Variants in ARHGAP15 observed in about 807,000 individuals in gnomAD.
The protein encoded by ARHGAP15 is rho GTPase-activating protein 15.
Under a neutral mutation model 63.7 loss-of-function variants are expected in ARHGAP15, and 51 were observed. That is an observed-to-expected ratio of 0.80 (90% CI 0.64 to 1.01). The LOEUF (loss-of-function observed/expected upper bound fraction) is 1.01, where lower values mean the gene tolerates loss of function less well. ARHGAP15 is among the 50% of genes least tolerant of loss of function. ARHGAP15 has a pLI of 0.00. For synonymous variants in ARHGAP15, 191 were observed against 193.8 expected (o/e 0.99, Z 0.12); for missense variants, 560 against 564.6 (o/e 0.99, Z 0.08).
intron 13 of ARHGAP15, among the ~76,000 whole-genome samples, chr2:143,739,821 G>A (rs933010662): frequency 1.3e-5 from 2 of 152,292 alleles, no homozygotes; most frequent in Non-Finnish European, 1.5e-5. Flanking sequence ...AATTTAAAAT[G>A]CAAACTATGT....
rs1558898057 is a variant in ARHGAP15 at position 143,330,130 on chromosome 2, AACC to A, written c.474+79532_474+79534del. On this transcript the variant is annotated intron_variant, in intron 6 of 13. Coordinates refer to ENST00000295095, the MANE Select transcript of ARHGAP15 (RefSeq NM_018460.4). ...AAAAAAAAAAAAAAAAAAAAAAAAAAACCAAAAACAAAAAACTAAACTAATGAT... is the reference window on the plus strand; with the variant it reads ...AAAAAAAAAAAAAAAAAAAAAAAAAAAAAAACAAAAAACTAAACTAATGAT... Among the ~76,000 whole-genome samples the A allele has an allele frequency of 4.3e-4, 36 of 83,520 alleles. 5 individuals carry two copies. Among genetic ancestry groups the A allele is most frequent in the South Asian group, 1.5e-3 (4 of 2,726 alleles). 54.8% of individuals were successfully genotyped at this position (83,520 alleles called of 152,430 possible).
chr2:143,135,934 C>T lies in ARHGAP15; in HGVS notation c.-15+6468C>T, dbSNP rs559154995. Among the ~76,000 whole-genome samples the T allele has an allele frequency of 1.0e-3, 159 of 152,292 alleles. 5 individuals carry two copies. In the South Asian group the frequency reaches 0.016, roughly 15 times the overall value. ...ATTATATTTCAAGACCAAATCTTTT[C>T]TCTTAGCAGTAAAACTATAAATCCA... On this transcript the variant is annotated intron_variant, in intron 1 of 13. Coordinates refer to ENST00000295095, the MANE Select transcript of ARHGAP15 (RefSeq NM_018460.4).
At chr2:143,478,514 G>A (rs1209015229) in intron 8 of ARHGAP15, among the ~76,000 whole-genome samples, 2 of 152,142 alleles carry the variant, frequency 1.3e-5, no homozygotes, top group African/African-American at 4.8e-5. Context: ...CCTTAGGGCA[G>A]GGAATCAGAC....
chr2:143,185,541 T>C (rs1464546167), intron 2 of ARHGAP15, among the ~76,000 whole-genome samples: 1 of 152,166 alleles, frequency 6.6e-6, no homozygotes, highest in Non-Finnish European at 1.5e-5. Flanking sequence ...TACTGCAATA[T>C]GAGTGGCTGT....
intron 13 of ARHGAP15, among the ~76,000 whole-genome samples, chr2:143,722,845 G>A (rs1393164535): frequency 1.3e-5 from 2 of 152,202 alleles, no homozygotes; most frequent in Non-Finnish European, 2.9e-5. Flanking sequence ...AGTGCAGGGT[G>A]GGGCCAGGTT....
chr2:143,691,695 G>C (rs553422458), intron 12 of ARHGAP15, among the ~76,000 whole-genome samples: 43 of 152,278 alleles, frequency 2.8e-4, no homozygotes, highest in African/African-American at 9.9e-4. Context: ...TTAATGGATT[G>C]AAAGTGTTGT....
chr2:143,225,527 G>C (rs987233559), intron 4 of ARHGAP15, among the ~76,000 whole-genome samples: 30 of 152,206 alleles, frequency 2.0e-4, no homozygotes, highest in African/African-American at 7.0e-4. Context: ...CATGAACCCA[G>C]GAGGCGGAGA....
chr2:143,137,301 G>A lies in ARHGAP15; in HGVS notation c.-15+7835G>A, dbSNP rs137955156. Among the ~76,000 whole-genome samples the A allele has an allele frequency of 2.3e-3, 352 of 152,080 alleles. 2 individuals carry two copies. The highest frequency in any genetic ancestry group is 8.1e-3 in the African/African-American group (338 of 41,502). ...AAATACCTAGAACCTAGAACAAATG[G>A]TAGGTGTATGATAATATCAATAAAT... On this transcript the variant is annotated intron_variant, in intron 1 of 13. Coordinates refer to ENST00000295095, the MANE Select transcript of ARHGAP15 (RefSeq NM_018460.4).
At chr2:143,424,343 G>A (rs1398084022) in intron 6 of ARHGAP15, among the ~76,000 whole-genome samples, 1 of 152,022 alleles carries the variant, frequency 6.6e-6, no homozygotes, top group Non-Finnish European at 1.5e-5. Context: ...TTGCAATAGA[G>A]TTACACATTA....
chr2:143,706,516 A>C (rs1684334620), intron 13 of ARHGAP15: 1 of 152,142 alleles, frequency 6.6e-6, no homozygotes. Flanking sequence ...CAGAGCTCTG[A>C]GTTAAATGCA....
intron 13 of ARHGAP15, among the ~76,000 whole-genome samples, chr2:143,730,927 G>A (rs1267009649): frequency 1.0e-5 from 1 of 95,864 alleles, no homozygotes; most frequent in African/African-American, 3.9e-5. Flanking sequence ...AAGGGAAAAA[G>A]GCTTTTTTTT....
Position 143,155,515 on chromosome 2 carries a change from A to G in ARHGAP15, c.25A>G (p.Thr9Ala). Residue 9 changes from threonine (T) to alanine (A), a missense_variant, in exon 2 of 14, where the codon ACT (threonine) becomes GCT (alanine). Thr to Ala is a moderately conservative substitution (Grantham distance 58, BLOSUM62 0). Transcript: ENST00000295095. MQKSTNSD[T>A]SVETLNSTRQ... The stretch of plus-strand genomic sequence containing the variant: ...TATGCAGAAATCTACAAATTCTGAT[A>G]CTTCCGTGGAAACACTGAATTCTAC... 1 of 1,607,646 alleles carries G rather than the reference A, an allele frequency of 6.2e-7. No homozygotes were observed. Among genetic ancestry groups the G allele is most frequent in the Non-Finnish European group, 8.5e-7 (1 of 1,177,494 alleles).
intron 6 of ARHGAP15, among the ~76,000 whole-genome samples, chr2:143,334,593 C>T (rs1684691769): frequency 6.6e-6 from 1 of 152,112 alleles, no homozygotes; most frequent in African/African-American, 2.4e-5. Context: ...GAGGAAACTG[C>T]AGTGAAAAAT....
intron 13 of ARHGAP15, among the ~76,000 whole-genome samples, chr2:143,763,330 C>G (rs550772086): frequency 1.3e-5 from 2 of 152,204 alleles, no homozygotes; most frequent in South Asian, 4.1e-4. Context: ...CGTAAGCTTC[C>G]ATTTGAATCA....
intron 6 of ARHGAP15, among the ~76,000 whole-genome samples, chr2:143,366,897 C>A (rs1686317949): frequency 6.6e-6 from 1 of 152,000 alleles, no homozygotes; most frequent in Admixed American, 6.6e-5. Flanking sequence ...CTGTCTGTGG[C>A]AACATCTTTT....
intron 13 of ARHGAP15, among the ~76,000 whole-genome samples, chr2:143,708,775 C>T (rs1222511695): frequency 2.6e-5 from 4 of 152,272 alleles, no homozygotes; most frequent in Non-Finnish European, 5.9e-5. Context: ...CCCTAATAGA[C>T]TTCTAGTTCC....
chr2:143,659,340 T>C (rs1261267612), intron 12 of ARHGAP15, among the ~76,000 whole-genome samples: 1 of 152,210 alleles, frequency 6.6e-6, no homozygotes, highest in Non-Finnish European at 1.5e-5. Context: ...TGGTAACTAT[T>C]ACACAGTGTA....
At chr2:143,535,885 T>C (rs987358365) in intron 10 of ARHGAP15, among the ~76,000 whole-genome samples, 2 of 152,334 alleles carry the variant, frequency 1.3e-5, no homozygotes, top group South Asian at 4.1e-4. Flanking sequence ...TTCATAAATG[T>C]TGTATCAATG....
intron 10 of ARHGAP15, among the ~76,000 whole-genome samples, chr2:143,531,002 G>A (rs527702544): frequency 6.6e-6 from 1 of 152,284 alleles, no homozygotes; most frequent in African/African-American, 2.4e-5. Flanking sequence ...GAACAATGTG[G>A]TGAGGAGTGG....
Sources: gnomAD v4.1 joint callset for allele counts (sites outside exome capture counted in the v4.1 genomes callset) on GRCh38, gnomAD v4.1.1 for gene constraint, MANE v1.5 for transcripts, NCBI Gene and HGNC (gene_info 2026-07-23, HGNC 2026-07-21) for gene names.